FBXO36: variants seen among roughly 807,000 people sequenced by gnomAD.
FBXO36 encodes the protein F-box protein 36.
Under a neutral mutation model 17.0 loss-of-function variants are expected in FBXO36, and 18 were observed. The observed-to-expected ratio is 1.06, with a 90% CI of 0.73 to 1.57. The LOEUF (loss-of-function observed/expected upper bound fraction) is 1.57. Ranked by LOEUF, FBXO36 falls within the 40% of genes most tolerant of loss-of-function variation. The pLI is 0.00. For missense variants in FBXO36, 229 were observed against 221.9 expected (o/e 1.03, Z -0.20); for synonymous variants, 83 against 85.3 (o/e 0.97, Z 0.15).
intron 1 of FBXO36, among the ~76,000 whole-genome samples, chr2:229,953,296 G>A (rs183980519): frequency 6.6e-6 from 1 of 151,962 alleles, no homozygotes; most frequent in African/African-American, 2.4e-5. Context: ...CGGAGATTGC[G>A]CCATTGCACT....
At position 229,953,927 on chromosome 2, in the gene FBXO36, C is replaced by T. The variant is rs556811293; in HGVS notation, c.97-22314C>T. On this transcript the variant is annotated intron_variant, in intron 1 of 3. Transcript: ENST00000283946. ...TGTTGCTTAGGTTGGAGTGCAGTGG[C>T]GTGATCACAGCCCACTGCAGCCTTG... Among the ~76,000 whole-genome samples the T allele has an allele frequency of 3.1e-4, 47 of 152,020 alleles. 1 individual carries two copies. Among genetic ancestry groups the T allele is most frequent in the African/African-American group, 1.0e-3 (42 of 41,478 alleles).
chr2:229,967,671 G>A (rs2077160430), intron 1 of FBXO36, among the ~76,000 whole-genome samples: 1 of 152,124 alleles, frequency 6.6e-6, no homozygotes. Flanking sequence ...TTTATGTGCT[G>A]GATTATATTT....
At chr2:229,957,343 A>G (rs1379002441) in intron 1 of FBXO36, among the ~76,000 whole-genome samples, 1 of 152,172 alleles carries the variant, frequency 6.6e-6, no homozygotes, top group South Asian at 2.1e-4. Flanking sequence ...TTGGGAGGCC[A>G]AGGCGGGCAA....
At chr2:229,993,032 T>C (rs6436893) in intron 2 of FBXO36, among the ~76,000 whole-genome samples, 2,183 of 152,302 alleles carry the variant, frequency 0.014, 66 homozygotes, top group African/African-American at 0.05. Flanking sequence ...CTACAAATCA[T>C]AGTCTCATCA....
chr2:229,957,239 G>T (rs1408158173), intron 1 of FBXO36, among the ~76,000 whole-genome samples: 1 of 152,178 alleles, frequency 6.6e-6, no homozygotes, highest in Admixed American at 6.6e-5. Context: ...AGTAAAGAGG[G>T]AAATGTTACA....
chr2:229,933,548 G>A (rs1165533780), intron 1 of FBXO36, among the ~76,000 whole-genome samples: 1 of 152,136 alleles, frequency 6.6e-6, no homozygotes, highest in Non-Finnish European at 1.5e-5. Context: ...AAGCACTCCA[G>A]GCCAGTATTT....
chr2:229,950,788 G>A lies in FBXO36; in HGVS notation c.97-25453G>A, dbSNP rs563332273. On this transcript the variant is annotated intron_variant, in intron 1 of 3. Coordinates refer to ENST00000283946, the MANE Select transcript of FBXO36 (RefSeq NM_174899.5). ...TTTTTTTTTTTTGAGACAGAGTCTC[G>A]TTCAGCCGCCCAGGCTGGAGTGCAG... Among the ~76,000 whole-genome samples, 806 of 131,038 alleles carry A rather than the reference G, an allele frequency of 6.2e-3. 11 individuals carry two copies. Among genetic ancestry groups the A allele is most frequent in the African/African-American group, 0.021 (721 of 34,342 alleles). The allele number at this position is 131,038 out of a possible 152,430, so 86.0% of individuals were successfully genotyped here.
chr2:229,940,086 A>T (rs1420100343), intron 1 of FBXO36, among the ~76,000 whole-genome samples: 1 of 152,088 alleles, frequency 6.6e-6, no homozygotes, highest in African/African-American at 2.4e-5. Context: ...GTCTCAAAAA[A>T]ATATAAAAAA....
At chr2:229,979,215 A>G (rs1296940514) in intron 2 of FBXO36, among the ~76,000 whole-genome samples, 1 of 151,682 alleles carries the variant, frequency 6.6e-6, no homozygotes, top group Admixed American at 6.6e-5. Flanking sequence ...AGTATGCAAT[A>G]GGCCAGGTGT....
At chr2:229,982,356 C>T (rs1374716148) in intron 2 of FBXO36, among the ~76,000 whole-genome samples, 1 of 152,086 alleles carries the variant, frequency 6.6e-6, no homozygotes, top group Non-Finnish European at 1.5e-5. Context: ...CCAACAATGG[C>T]AGGTCTTGTC....
intron 1 of FBXO36, among the ~76,000 whole-genome samples, chr2:229,950,210 G>A (rs960862054): frequency 1.3e-5 from 2 of 152,152 alleles, no homozygotes; most frequent in African/African-American, 2.4e-5. Flanking sequence ...GGTGGATCAC[G>A]AGGTCAGGGG....
intron 1 of FBXO36, among the ~76,000 whole-genome samples, chr2:229,938,878 G>C (rs2076981387): frequency 2.7e-5 from 4 of 146,556 alleles, no homozygotes; most frequent in African/African-American, 1.0e-4. Flanking sequence ...TCCTGCCTCA[G>C]CCTCCCGAGT....
chr2:230,004,057 C>T (rs2077373848), intron 3 of FBXO36, among the ~76,000 whole-genome samples: 1 of 152,250 alleles, frequency 6.6e-6, no homozygotes, highest in Admixed American at 6.5e-5. Flanking sequence ...GGGGCCCTTG[C>T]CCTGCCTCCT....
At chr2:229,926,861 T>A (rs1340292288) in intron 1 of FBXO36, among the ~76,000 whole-genome samples, 2 of 148,672 alleles carry the variant, frequency 1.3e-5, no homozygotes, top group African/African-American at 4.9e-5. Context: ...AGGATCTTTG[T>A]TTTTTTTTTG....
intron 2 of FBXO36, among the ~76,000 whole-genome samples, chr2:229,977,929 C>T (rs529987104): frequency 3.3e-5 from 5 of 152,126 alleles, no homozygotes; most frequent in East Asian, 1.9e-4. Context: ...GGACTTTCTT[C>T]GACTAAACTC....
At chr2:229,965,276 G>A (rs867976828) in intron 1 of FBXO36, among the ~76,000 whole-genome samples, 18 of 150,396 alleles carry the variant, frequency 1.2e-4, no homozygotes, top group African/African-American at 3.7e-4. Context: ...ACTGCACCTC[G>A]CCTATATGCT....
intron 1 of FBXO36, among the ~76,000 whole-genome samples, chr2:229,960,927 G>T (rs1204008024): frequency 6.6e-6 from 1 of 152,104 alleles, no homozygotes; most frequent in East Asian, 1.9e-4. Context: ...TGGCCAACAT[G>T]ATGAAACCCC....
intron 1 of FBXO36, among the ~76,000 whole-genome samples, chr2:229,930,967 ATTC>A (rs2076935884): frequency 6.6e-6 from 1 of 152,130 alleles, no homozygotes; most frequent in Non-Finnish European, 1.5e-5. Flanking sequence ...AAACTGCATT[ATTC>A]TTCTGTTCCT....
At chr2:229,923,853 T>G (rs1279277348) in intron 1 of FBXO36, among the ~76,000 whole-genome samples, 1 of 136,032 alleles carries the variant, frequency 7.4e-6, no homozygotes, top group African/African-American at 2.9e-5. Flanking sequence ...TGTTGTTTTT[T>G]TTTTTTTTTT....
Sources: gnomAD v4.1 joint callset for allele counts (sites outside exome capture counted in the v4.1 genomes callset) on GRCh38, gnomAD v4.1.1 for gene constraint, MANE v1.5 for transcripts, NCBI Gene and HGNC (gene_info 2026-07-23, HGNC 2026-07-21) for gene names.